The following ZFP69 variants were observed in gnomAD, a reference collection of about 807,000 sequenced individuals.
The protein encoded by ZFP69 is zinc finger protein 69 homolog.
Under a neutral mutation model 48.9 loss-of-function variants are expected in ZFP69, and 35 were observed. The observed-to-expected ratio is 0.72, with a 90% CI of 0.55 to 0.95. The LOEUF is 0.95. ZFP69 is among the 40% of genes least tolerant of loss of function. The pLI is 0.00. For missense variants in ZFP69, 557 were observed against 638.4 expected (o/e 0.87, Z 1.37); for synonymous variants, 193 against 216.8 (o/e 0.89, Z 0.96).
intron 3 of ZFP69, among the ~76,000 whole-genome samples, chr1:40,483,509 G>A (rs1645463833): frequency 6.6e-6 from 1 of 151,924 alleles, no homozygotes; most frequent in Admixed American, 6.6e-5. Context: ...GATTACAGAC[G>A]AGCCACTGCA....
chr1:40,489,399 A>G (rs1645539470), intron 4 of ZFP69, 130 bp from the exon 5 acceptor site: 4 of 1,106,242 alleles, frequency 3.6e-6, no homozygotes, highest in Non-Finnish European at 3.9e-6. Flanking sequence ...TTTACTACAC[A>G]TAGTTAGGAT....
chr1:40,488,936 G>A, intron 3 of ZFP69, 152 bp from the exon 4 acceptor site: 1 of 831,016 alleles, frequency 1.2e-6, no homozygotes, highest in African/African-American at 1.7e-5. Flanking sequence ...TTGTTGATCA[G>A]ATTTGGAGAT....
In ZFP69 at chr1:40,495,636, T is replaced by C. The variant is rs1557562003; in HGVS notation, c.1158T>C (p.Asn386=). The change falls in exon 6 of 6, where the codon AAT becomes AAC. Residue 386 remains asparagine, a synonymous_variant. Transcript: ENST00000372706. ...CTGGAGAGAAACCTTTTACTTGCAA[T>C]GAATGTGGGAAAACCTTTAGACAGA... is the stretch of plus-strand genomic sequence containing the variant. ...THSGEKPFTC[N]ECGKTFRQIR... The C allele has an allele frequency of 4.3e-6, 7 of 1,614,106 alleles. No homozygotes were observed. The highest frequency in any genetic ancestry group is 5.9e-6 in the Non-Finnish European group (7 of 1,180,052).
rs1645611721 is a variant in ZFP69, at chr1:40,494,832, C to G, written c.443-89C>G. The G allele has an allele frequency of 4.3e-6, 5 of 1,159,124 alleles. No homozygotes were observed. The African/African-American group carries it at 4.7e-5, about 11-fold the overall frequency. 71.8% of individuals were successfully genotyped at this position (1,159,124 alleles called of 1,614,324 possible). Reference sequence around the variant, plus strand: ...AATCATATTTAAATATAGTCAAAATCTCATGCACTTATCCATATTGTTGTC... The same window carrying G: ...AATCATATTTAAATATAGTCAAAATGTCATGCACTTATCCATATTGTTGTC... On this transcript the variant is annotated intron_variant, in intron 5 of 5. Coordinates refer to ENST00000372706, the MANE Select transcript of ZFP69 (RefSeq NM_001320179.2).
rs5773698 is a variant in ZFP69, at chr1:40,478,122, TCACA to T, written c.-327+252_-327+255del. Among the ~76,000 whole-genome samples the T allele has an allele frequency of 3.0e-3, 446 of 147,228 alleles. 1 individual carries two copies. The highest frequency in any genetic ancestry group is 7.6e-3 in the East Asian group (38 of 4,996). The stretch of plus-strand genomic sequence containing the variant: ...ACGCAGCTCCTGTCTCTGCATATAG[TCACA>T]CACACACACACACACACACACACGC... On this transcript the variant is annotated intron_variant, in intron 1 of 5. Coordinates refer to ENST00000372706, the MANE Select transcript of ZFP69 (RefSeq NM_001320179.2).
chr1:40,481,956 A>G, intron 3 of ZFP69, 102 bp downstream of exon 3: 2 of 744,736 alleles, frequency 2.7e-6, no homozygotes, highest in East Asian at 2.7e-5. Flanking sequence ...GAGGTAGGGT[A>G]TTAAGACTAA....
intron 2 of ZFP69, among the ~76,000 whole-genome samples, chr1:40,479,843 G>A (rs79833429): frequency 2.0e-5 from 3 of 152,302 alleles, no homozygotes; most frequent in African/African-American, 7.2e-5. Context: ...ACAGGTTCCA[G>A]TCATTTTAGC....
In ZFP69 at chr1:40,485,621, C is replaced by G. The variant is rs147610209; in HGVS notation, c.220-3467C>G. 9.8e-4 allele frequency among the ~76,000 whole-genome samples: 149 copies of G among 152,230 alleles called. 1 individual carries two copies. Among genetic ancestry groups the G allele is most frequent in the African/African-American group, 3.4e-3 (142 of 41,538 alleles). ...CAGGTTTCTATCTTGCATCATTTCC[C>G]TTCAGCTTAAAGAACTTTGTTTAGC... On this transcript the variant is annotated intron_variant, in intron 3 of 5. Transcript: ENST00000372706.
intron 3 of ZFP69, among the ~76,000 whole-genome samples, chr1:40,483,901 A>AC (rs1173626135): frequency 6.6e-6 from 1 of 151,930 alleles, no homozygotes; most frequent in South Asian, 2.1e-4. Context: ...ACATCGAGAA[A>AC]CCCCGTCTCT....
At position 40,488,278 on chromosome 1, in the gene ZFP69, G is replaced by C. The variant is rs377481072; in HGVS notation, c.220-810G>C. On this transcript the variant is annotated intron_variant, in intron 3 of 5. Transcript: ENST00000372706. ...GTGAGGGGCTCCTCCTAGAGCTGTG[G>C]CTGAGCTCTGGCTATCATGCAGCTT... 1.4e-3 allele frequency among the ~76,000 whole-genome samples: 214 copies of C among 152,268 alleles called. 1 individual carries two copies. The highest frequency in any genetic ancestry group is 4.8e-3 in the African/African-American group (198 of 41,562).
chr1:40,482,899 T>C (rs1387498048), intron 3 of ZFP69, among the ~76,000 whole-genome samples: 1 of 152,164 alleles, frequency 6.6e-6, no homozygotes. Context: ...CTTTAACACT[T>C]CTTTCTCAGT....
At chr1:40,481,459 T>C (rs1217977920) in intron 2 of ZFP69, among the ~76,000 whole-genome samples, 1 of 152,176 alleles carries the variant, frequency 6.6e-6, no homozygotes, top group Non-Finnish European at 1.5e-5. Context: ...AGAGCTGTGC[T>C]TTTGGACCAG....
rs1645447001 is a variant in ZFP69, at chr1:40,481,905, G to A, written c.219+51G>A. 7 of 1,449,418 alleles carry A rather than the reference G, an allele frequency of 4.8e-6. No homozygotes were observed. The East Asian group carries it at 1.6e-4, about 33-fold the overall frequency. 89.8% of individuals were successfully genotyped at this position (1,449,418 alleles called of 1,614,324 possible). A position where few individuals can be genotyped will look rare whatever the true frequency, so the allele number is the denominator to read the frequency against. On this transcript the variant is annotated intron_variant, in intron 3 of 5. Transcript: ENST00000372706. ...TTGACATTGCTTCTCCTGTTTTTAG[G>A]GTATATAACCTGTCTTTTTTGCAGA...
chr1:40,495,905 A>G lies in ZFP69; in HGVS notation c.1427A>G (p.Tyr476Cys). The G allele has an allele frequency of 6.2e-7, 1 of 1,614,212 alleles. No homozygotes were observed. ...AYECNRCGKA[Y>C]RHDSSFKKHQ... Reference sequence around the variant, plus strand: ...GAATGCAACCGCTGTGGAAAAGCCTATAGGCATGATTCATCCTTTAAAAAA... The same window carrying G: ...GAATGCAACCGCTGTGGAAAAGCCTGTAGGCATGATTCATCCTTTAAAAAA... Residue 476 changes from tyrosine to cysteine, a missense_variant, in exon 6 of 6, where the codon TAT becomes TGT. Tyr to Cys is a radical substitution (Grantham distance 194). Transcript: ENST00000372706.
chr1:40,496,290 A>C lies in ZFP69; in HGVS notation c.*231A>C. The C allele has an allele frequency of 2.7e-6, 1 of 376,766 alleles. No homozygotes were observed. Among genetic ancestry groups the C allele is most frequent in the Non-Finnish European group, 4.7e-6 (1 of 212,376 alleles). The allele number at this position is 376,766 out of a possible 1,614,324, so 23.3% of individuals were successfully genotyped here. ...ATGAATTCAGCATTATGAAAAATTC[A>C]TAACAGTTTTTTTCTGATTTCATGG... On this transcript the variant is annotated 3_prime_UTR_variant, in exon 6 of 6. Transcript: ENST00000372706.
At chr1:40,478,460 C>G (rs950867370) in intron 1 of ZFP69, among the ~76,000 whole-genome samples, 20 of 152,332 alleles carry the variant, frequency 1.3e-4, no homozygotes, top group African/African-American at 3.6e-4. Flanking sequence ...AACTTGCCAG[C>G]TGCTGGGCAT....
intron 5 of ZFP69, chr1:40,491,052 T>C (rs561258891): frequency 5.9e-5 from 9 of 152,340 alleles, no homozygotes; most frequent in African/African-American, 1.9e-4. Context: ...TTTTATTACA[T>C]GTATAATGTA....
chr1:40,495,301 A>G lies in ZFP69; in HGVS notation c.823A>G (p.Ile275Val). 1.2e-6 allele frequency: 2 copies of G among 1,614,134 alleles called. No individual in the cohort carries two copies. The highest frequency in any genetic ancestry group is 1.7e-6 in the Non-Finnish European group (2 of 1,180,002). ...AAGAACAAAAACCTATGAATGTAAT[A>G]TATGTGAAAAAATCTTCAAACAACC... ...YIRTKTYECN[I>V]CEKIFKQPIH... The change falls in exon 6 of 6, where the codon ATA becomes GTA. Residue 275 changes from isoleucine (I) to valine (V), a missense_variant. Physicochemically the swap from Ile to Val is conservative, Grantham distance 29 (BLOSUM62 3). Transcript: ENST00000372706.
At position 40,496,069 on chromosome 1, in the gene ZFP69, T is replaced by C. The variant is rs977905147; in HGVS notation, c.*10T>C. The stretch of plus-strand genomic sequence containing the variant: ...CCGAAATAAGGTGTAAAAACAGATA[T>C]TTGACTTGAGAACAAAAGCCAAGTG... On this transcript the variant is annotated 3_prime_UTR_variant, in exon 6 of 6. Transcript: ENST00000372706. The C allele has an allele frequency of 9.7e-6, 15 of 1,546,688 alleles. No homozygotes were observed. Among genetic ancestry groups the C allele is most frequent in the African/African-American group, 9.7e-5 (7 of 72,302 alleles).
Sources: allele counts gnomAD v4.1 joint callset (sites outside exome capture counted in the v4.1 genomes callset), GRCh38; gene constraint gnomAD v4.1.1; transcripts MANE v1.5; gene names NCBI Gene and HGNC (gene_info 2026-07-23, HGNC 2026-07-21).